The following APP variants were observed in gnomAD, a reference collection of about 807,000 sequenced individuals.
The protein encoded by APP is amyloid-beta precursor protein.
In APP, 31 loss-of-function variants were observed where a neutral mutation model predicts 101.4. The ratio of observed to expected loss-of-function variants is 0.31; its 90% CI spans 0.23 to 0.41. APP has a LOEUF of 0.41. Among genes scored for constraint, APP ranks in the 10% least tolerant of loss-of-function variants. APP has a pLI of 1.00. For missense variants in APP, 839 were observed against 1,003.7 expected (o/e 0.84, Z 2.22); for synonymous variants, 366 against 364.4 (o/e 1.00, Z -0.05).
intron 13 of APP, among the ~76,000 whole-genome samples, chr21:25,940,463 G>A (rs999659990): frequency 6.6e-6 from 1 of 152,008 alleles, no homozygotes; most frequent in African/African-American, 2.4e-5. Context: ...ATCATGACAA[G>A]GCATAACAGA....
intron 6 of APP, among the ~76,000 whole-genome samples, chr21:26,014,897 A>T (rs1210649589): frequency 6.6e-6 from 1 of 152,226 alleles, no homozygotes; most frequent in Admixed American, 6.5e-5. Context: ...CAGTGTCTCT[A>T]TCTGTTCACT....
chr21:25,994,002 C>T (rs1362765494), intron 8 of APP, among the ~76,000 whole-genome samples: 3 of 152,294 alleles, frequency 2.0e-5, no homozygotes, highest in Admixed American at 2.0e-4. Flanking sequence ...TGAGATGGGA[C>T]ACACTTTGGC....
intron 1 of APP, among the ~76,000 whole-genome samples, chr21:26,140,694 T>C (rs1056769375): frequency 2.0e-5 from 3 of 152,262 alleles, no homozygotes; most frequent in Non-Finnish European, 4.4e-5. Context: ...AGAAGATAAC[T>C]GAATGAACAC....
At chr21:25,959,249 A>G (rs932991156) in intron 11 of APP, among the ~76,000 whole-genome samples, 2 of 152,216 alleles carry the variant, frequency 1.3e-5, no homozygotes, top group South Asian at 4.1e-4. Flanking sequence ...CCTGGCCAAC[A>G]TGGTGAAACC....
intron 1 of APP, among the ~76,000 whole-genome samples, chr21:26,143,681 C>A (rs2063097152): frequency 6.6e-6 from 1 of 152,208 alleles, no homozygotes; most frequent in South Asian, 2.1e-4. Flanking sequence ...CAAGTTTGCA[C>A]CCTTTGACCA....
At chr21:25,954,862 C>T (rs2041245717) in intron 12 of APP, among the ~76,000 whole-genome samples, 173 bp from the exon 13 acceptor site, 1 of 43,220 alleles carries the variant, frequency 2.3e-5, no homozygotes, top group Non-Finnish European at 4.3e-5. Flanking sequence ...TGACAAAACA[C>T]TGCTACTGTT....
At chr21:25,986,216 CAG>C (rs1046813403) in intron 8 of APP, among the ~76,000 whole-genome samples, 9 of 152,070 alleles carry the variant, frequency 5.9e-5, no homozygotes, top group Non-Finnish European at 1.3e-4. Context: ...TCACAGGACA[CAG>C]AGGAAACAGG....
At chr21:25,894,607 G>A (rs1273560208) in intron 16 of APP, among the ~76,000 whole-genome samples, 1 of 152,248 alleles carries the variant, frequency 6.6e-6, no homozygotes, top group Non-Finnish European at 1.5e-5. Flanking sequence ...GGAGCCTAAA[G>A]ACATGACTGA....
chr21:26,132,098 T>TA (rs2062809243), intron 1 of APP, among the ~76,000 whole-genome samples: 1 of 152,092 alleles, frequency 6.6e-6, no homozygotes, highest in African/African-American at 2.4e-5. Flanking sequence ...CAATTTAAGA[T>TA]AAAAGTACTT....
chr21:26,132,240 T>G (rs1470561425), intron 1 of APP, among the ~76,000 whole-genome samples: 2 of 152,094 alleles, frequency 1.3e-5, no homozygotes, highest in Admixed American at 6.6e-5. Context: ...AAGAAAAAAG[T>G]GATGTCTCAA....
At chr21:25,960,080 T>C (rs1004844409) in intron 11 of APP, among the ~76,000 whole-genome samples, 35 of 146,636 alleles carry the variant, frequency 2.4e-4, no homozygotes, top group African/African-American at 8.7e-4. Flanking sequence ...TACAGGGAGA[T>C]GGCCTGGAAA....
chr21:25,925,150 C>A (rs2039829160), intron 13 of APP, among the ~76,000 whole-genome samples: 2 of 28,606 alleles, frequency 7.0e-5, no homozygotes, highest in African/African-American at 3.0e-4. Flanking sequence ...TTTTCCCTAC[C>A]CAGGAGGCCC....
At chr21:26,092,189 T>G (rs1257771957) in intron 2 of APP, among the ~76,000 whole-genome samples, 2 of 152,168 alleles carry the variant, frequency 1.3e-5, no homozygotes, top group African/African-American at 4.8e-5. Flanking sequence ...AAATATTACA[T>G]TAAAAATTCT....
intron 13 of APP, among the ~76,000 whole-genome samples, chr21:25,949,420 T>C (rs1413593149): frequency 1.3e-5 from 2 of 152,224 alleles, no homozygotes; most frequent in African/African-American, 4.8e-5. Context: ...TCCATTTAGT[T>C]AGCTTGATCA....
At chr21:26,094,497 T>TAAA (rs2061897682) in intron 2 of APP, among the ~76,000 whole-genome samples, 1 of 151,698 alleles carries the variant, frequency 6.6e-6, no homozygotes, top group South Asian at 2.1e-4. Context: ...AGGTTTTTAT[T>TAAA]AAATAACCCC....
At chr21:25,903,576 A>T (rs2038628443) in intron 15 of APP, among the ~76,000 whole-genome samples, 1 of 152,082 alleles carries the variant, frequency 6.6e-6, no homozygotes, top group South Asian at 2.1e-4. Context: ...TTTAAAGAGA[A>T]GCACCATGAA....
At chr21:26,099,744 C>G (rs1377515899) in intron 2 of APP, among the ~76,000 whole-genome samples, 1 of 152,112 alleles carries the variant, frequency 6.6e-6, no homozygotes, top group Non-Finnish European at 1.5e-5. Context: ...AACTGGAAAA[C>G]GAAAACGTTC....
chr21:26,076,331 CACA>C (rs1050195350), intron 3 of APP, among the ~76,000 whole-genome samples: 7 of 152,018 alleles, frequency 4.6e-5, no homozygotes, highest in Non-Finnish European at 8.8e-5. Context: ...CTCCTATGCT[CACA>C]ACAACCCCTC....
rs117994894 is a variant in APP at position 25,970,420 on chromosome 21, C to T, written c.1458+4650G>A. Among the ~76,000 whole-genome samples, 13 of 152,248 alleles carry T rather than the reference C, an allele frequency of 8.5e-5. No individual in the cohort carries two copies. In the South Asian group the frequency reaches 1.9e-3, roughly 22 times the overall value. ...TTAGAGATTGGACTTTCAGCTGGAA[C>T]GCTTCACAAGTTTCTGCTATAAAGA... is the stretch of plus-strand genomic sequence containing the variant. On this transcript the variant is annotated intron_variant, in intron 11 of 17. Transcript: ENST00000346798.
Sources: allele counts gnomAD v4.1 joint callset (sites outside exome capture counted in the v4.1 genomes callset), GRCh38; gene constraint gnomAD v4.1.1; transcripts MANE v1.5; gene names NCBI Gene and HGNC (gene_info 2026-07-23, HGNC 2026-07-21).